BAZ1A: variants seen among roughly 807,000 people sequenced by gnomAD.
BAZ1A encodes bromodomain adjacent to zinc finger domain 1A.
In BAZ1A, 50 loss-of-function variants were observed where a neutral mutation model predicts 185.2. That is an observed-to-expected ratio of 0.27 (90% confidence interval 0.22 to 0.34). The LOEUF (loss-of-function observed/expected upper bound fraction) is 0.34. Ranked by LOEUF, BAZ1A falls within the 10% of genes least tolerant of loss-of-function variation. The probability of loss-of-function intolerance (pLI) is 1.00; values close to 1 mark genes in which losing one functional copy is unlikely to be tolerated. For synonymous variants in BAZ1A, 571 were observed against 615.6 expected (o/e 0.93, Z 1.07); for missense variants, 1,356 against 1,839.9 (o/e 0.74, Z 4.81).
At chr14:34,787,410 C>T (rs965114388) in intron 12 of BAZ1A, among the ~76,000 whole-genome samples, 5 of 137,432 alleles carry the variant, frequency 3.6e-5, no homozygotes, top group African/African-American at 1.1e-4. Flanking sequence ...GGGGGCCGGG[C>T]GCGGTGGCTC....
At chr14:34,771,723 A>G (rs1879234596) in intron 20 of BAZ1A, 64 bp from the exon 21 acceptor site, 1 of 1,488,254 alleles carries the variant, frequency 6.7e-7, no homozygotes, top group East Asian at 2.3e-5. Flanking sequence ...ACTTGAGTCC[A>G]TTCATTGGTT....
chr14:34,765,698 A>T (rs1878792839), intron 21 of BAZ1A, among the ~76,000 whole-genome samples: 1 of 152,218 alleles, frequency 6.6e-6, no homozygotes, highest in Non-Finnish European at 1.5e-5. Flanking sequence ...CTAAGAAAAT[A>T]GTTTTAAAAT....
intron 4 of BAZ1A, among the ~76,000 whole-genome samples, chr14:34,815,025 T>G (rs1259780483): frequency 6.8e-6 from 1 of 147,894 alleles, no homozygotes; most frequent in Non-Finnish European, 1.5e-5. Flanking sequence ...TCCACCCACC[T>G]TGGCCTCCCA....
chr14:34,865,497 T>C (rs1251586196), intron 2 of BAZ1A, among the ~76,000 whole-genome samples: 2 of 152,194 alleles, frequency 1.3e-5, no homozygotes, highest in African/African-American at 2.4e-5. Flanking sequence ...TCTGTGTAGG[T>C]TATCTCTATT....
chr14:34,758,452 T>C (rs573102138), intron 25 of BAZ1A: 43 of 347,378 alleles, frequency 1.2e-4, no homozygotes, highest in Middle Eastern at 8.6e-4. Context: ...TGGTGGTGTG[T>C]GCCTGTAATC....
intron 2 of BAZ1A, among the ~76,000 whole-genome samples, chr14:34,868,894 A>ATGTG (rs763173896): frequency 6.2e-4 from 44 of 71,132 alleles, no homozygotes; most frequent in Non-Finnish European, 1.2e-3. Context: ...GTATGTAAGT[A>ATGTG]TGTATGTGTG....
Position 34,764,917 on chromosome 14 carries a change from T to C in BAZ1A, c.3566A>G (p.Asp1189Gly). The C allele has an allele frequency of 1.2e-6, 2 of 1,614,078 alleles. No homozygotes were observed. The highest frequency in any genetic ancestry group is 1.7e-6 in the Non-Finnish European group (2 of 1,180,018). ...TGGTCGACATTCTGGACAAAACCAGTCTCCTTCAGGCACAGTCTGAAAAAA... is the reference window on the plus strand; with the variant it reads ...TGGTCGACATTCTGGACAAAACCAGCCTCCTTCAGGCACAGTCTGAAAAAA... ...RPKLKTVPEGDWFCPECRPKQ... is the reference protein window; with the variant it reads ...RPKLKTVPEGGWFCPECRPKQ... The change falls in exon 23 of 27, where the codon GAC becomes GGC. Residue 1189 changes from aspartate to glycine, a missense_variant. Around this residue, in one of 7 missense-constraint regions of BAZ1A, gnomAD observed 309 missense variants for 355.3 expected, o/e 0.87. Transcript: ENST00000360310.
intron 4 of BAZ1A, 148 bp downstream of exon 4, chr14:34,825,865 G>T: frequency 1.5e-6 from 1 of 677,836 alleles, no homozygotes; most frequent in Admixed American, 3.9e-5. Flanking sequence ...TTGAACCTGG[G>T]AGGTGGAAGT....
chr14:34,820,132 T>G (rs1420761021), intron 4 of BAZ1A, among the ~76,000 whole-genome samples: 3 of 144,184 alleles, frequency 2.1e-5, no homozygotes, highest in East Asian at 2.0e-4. Flanking sequence ...GTTTTTTTTT[T>G]TTTTTTTTTT....
At chr14:34,871,776 G>C (rs1218932944) in intron 2 of BAZ1A, among the ~76,000 whole-genome samples, 1 of 152,246 alleles carries the variant, frequency 6.6e-6, no homozygotes, top group Non-Finnish European at 1.5e-5. Flanking sequence ...GGGAGGCTGA[G>C]GCAGAGAATG....
intron 3 of BAZ1A, among the ~76,000 whole-genome samples, chr14:34,835,764 C>T (rs545448996): frequency 5.3e-5 from 8 of 150,914 alleles, no homozygotes; most frequent in South Asian, 2.1e-4. Context: ...CTCTGCCTCC[C>T]GGGTTCAAGC....
intron 3 of BAZ1A, among the ~76,000 whole-genome samples, chr14:34,844,954 TAATA>T (rs1036660272): frequency 1.3e-5 from 2 of 152,302 alleles, no homozygotes; most frequent in East Asian, 1.9e-4. Context: ...TAGTGTTCCT[TAATA>T]TTTTTGGAAT....
At chr14:34,764,289 CTTTTTTT>C (rs34861206) in intron 23 of BAZ1A, among the ~76,000 whole-genome samples, 2 of 111,850 alleles carry the variant, frequency 1.8e-5, no homozygotes, top group South Asian at 2.9e-4. Flanking sequence ...TTTTTCTTTT[CTTTTTTT>C]TTTTTTTTTT....
At chr14:34,830,316 A>G (rs1176163918) in intron 3 of BAZ1A, among the ~76,000 whole-genome samples, 2 of 152,202 alleles carry the variant, frequency 1.3e-5, no homozygotes, top group Non-Finnish European at 2.9e-5. Flanking sequence ...AAAAATAGGA[A>G]TGAAGTACTG....
intron 3 of BAZ1A, among the ~76,000 whole-genome samples, chr14:34,834,914 C>A (rs2042304486): frequency 6.6e-6 from 1 of 152,186 alleles, no homozygotes. Context: ...TTTGAGAACA[C>A]AGTGGAAGTT....
chr14:34,768,155 G>A (rs143242834), intron 21 of BAZ1A, among the ~76,000 whole-genome samples: 234 of 152,166 alleles, frequency 1.5e-3, no homozygotes, highest in Middle Eastern at 3.4e-3. Flanking sequence ...TGCTAGCACA[G>A]ATAAATTCCT....
In BAZ1A at chr14:34,811,049, G is replaced by C. The variant is rs1409864875; in HGVS notation, c.537-13C>G. 1 of 1,493,654 alleles carries C rather than the reference G, an allele frequency of 6.7e-7. No homozygotes were observed. The highest frequency in any genetic ancestry group is 1.8e-5 in the Admixed American group (1 of 54,536). 92.5% of individuals were successfully genotyped at this position (1,493,654 alleles called of 1,614,324 possible). A position where few individuals can be genotyped will look rare whatever the true frequency, so the allele number is the denominator to read the frequency against. ...ATCTTTTTTCTTCCTAAAAAGAAGA[G>C]GGAAAAGACACAAATCAGTTAATAA... On this transcript the variant is annotated splice_polypyrimidine_tract_variant and intron_variant, in intron 4 of 26. Coordinates refer to ENST00000360310, the MANE Select transcript of BAZ1A (RefSeq NM_013448.3).
chr14:34,858,232 TTTATG>T (rs2042712640), intron 3 of BAZ1A, among the ~76,000 whole-genome samples: 1 of 152,122 alleles, frequency 6.6e-6, no homozygotes, highest in Non-Finnish European at 1.5e-5. Flanking sequence ...GATGACTAAT[TTTATG>T]TTGTGTATTT....
intron 11 of BAZ1A, 54 bp from the exon 12 acceptor site, chr14:34,792,975 A>C (rs1028066112): frequency 1.3e-6 from 2 of 1,493,206 alleles, no homozygotes; most frequent in African/African-American, 2.8e-5. Context: ...TACTGAAAAA[A>C]CAACTCCACT....
Sources: gnomAD v4.1 joint callset for allele counts (sites outside exome capture counted in the v4.1 genomes callset) on GRCh38, gnomAD v4.1.1 for gene constraint, gnomAD v4.1.1 regional missense constraint, MANE v1.5 for transcripts, NCBI Gene and HGNC (gene_info 2026-07-23, HGNC 2026-07-21) for gene names.